The following DNMT3A variants were observed in gnomAD, a reference collection of about 807,000 sequenced individuals.
The protein encoded by DNMT3A is DNA methyltransferase 3 alpha, also known as DNA (cytosine-5)-methyltransferase 3A.
Under a neutral mutation model 117.6 loss-of-function variants are expected in DNMT3A, and 267 were observed. The ratio of observed to expected loss-of-function variants is 2.27; its 90% CI spans 2.05 to 2.51. DNMT3A has a LOEUF of 2.51. DNMT3A is among the 30% of genes most tolerant of loss of function. The pLI is 0.00. For missense variants in DNMT3A, 1,029 were observed against 1,260.2 expected (o/e 0.82, Z 2.78); for synonymous variants, 432 against 474.8 (o/e 0.91, Z 1.17).
At chr2:25,332,314 C>T (rs1449431126) in intron 1 of DNMT3A, among the ~76,000 whole-genome samples, 3 of 152,240 alleles carry the variant, frequency 2.0e-5, no homozygotes, top group Non-Finnish European at 4.4e-5. Flanking sequence ...CTGCTCCCTC[C>T]GCTTCGAGAC....
At chr2:25,319,589 A>C (rs1021657484) in intron 1 of DNMT3A, among the ~76,000 whole-genome samples, 90 of 152,326 alleles carry the variant, frequency 5.9e-4, no homozygotes, top group African/African-American at 2.0e-3. Flanking sequence ...AAGAGGCCGC[A>C]TGCCAGTCAC....
chr2:25,239,586 C>G, intron 19 of DNMT3A: 1 of 526,774 alleles, frequency 1.9e-6, no homozygotes, highest in Non-Finnish European at 3.8e-6. Flanking sequence ...TGGCTGGTGG[C>G]TACCATATTG....
chr2:25,275,404 G>A, intron 5 of DNMT3A, 96 bp downstream of exon 5: 1 of 1,456,474 alleles, frequency 6.9e-7, no homozygotes, highest in Admixed American at 2.3e-5. Flanking sequence ...TAAAGAAGGA[G>A]GAGGGGCCCA....
At position 25,337,629 on chromosome 2, in the gene DNMT3A, G is replaced by A. The variant is rs1213583317; in HGVS notation, c.-178+4197C>T. Among the ~76,000 whole-genome samples, 4 of 152,166 alleles carry A rather than the reference G, an allele frequency of 2.6e-5. No homozygotes were observed. The highest frequency in any genetic ancestry group is 5.9e-5 in the Non-Finnish European group (4 of 68,046). On this transcript the variant is annotated intron_variant, in intron 1 of 22. Transcript: ENST00000321117. The surrounding 1 kb of genome is among the most constrained non-coding windows in gnomAD (Gnocchi z 5.0). ...CAAGTCCTACCCATCCACAGGTGGC[G>A]GCACACCACGTACACACACATCATG...
chr2:25,259,661 G>A (rs1281776054), intron 6 of DNMT3A, among the ~76,000 whole-genome samples: 1 of 152,110 alleles, frequency 6.6e-6, no homozygotes, highest in Non-Finnish European at 1.5e-5. Flanking sequence ...TTATACTAAG[G>A]GGGGTGTGGC....
At chr2:25,273,468 T>C (rs904297801) in intron 6 of DNMT3A, among the ~76,000 whole-genome samples, 2 of 152,142 alleles carry the variant, frequency 1.3e-5, no homozygotes, top group Non-Finnish European at 2.9e-5. Context: ...CGCCTTCCCC[T>C]GGAGGCCTGG....
At chr2:25,331,470 G>C (rs2035010439) in intron 1 of DNMT3A, among the ~76,000 whole-genome samples, 1 of 152,188 alleles carries the variant, frequency 6.6e-6, no homozygotes, top group Non-Finnish European at 1.5e-5. Context: ...CCTCTGAATG[G>C]AGAGTGACGG....
At chr2:25,266,440 A>G (rs2030354740) in intron 6 of DNMT3A, among the ~76,000 whole-genome samples, 1 of 142,254 alleles carries the variant, frequency 7.0e-6, no homozygotes, top group African/African-American at 2.6e-5. Flanking sequence ...GAACTAGACT[A>G]AAGCCCAGGA....
chr2:25,241,810 T>A lies in DNMT3A; in HGVS notation c.1937-103A>T, dbSNP rs944671562. On this transcript the variant is annotated intron_variant, in intron 16 of 22. Coordinates refer to ENST00000321117, the MANE Select transcript of DNMT3A (RefSeq NM_022552.5). ...CCAACAGGACCCATGGGGTCAGCTG[T>A]AGGCCCAAGTCCTATCTTTTCCCTG... 2.1e-6 allele frequency: 3 copies of A among 1,454,586 alleles called. No homozygotes were observed. The African/African-American group carries it at 4.3e-5, about 21-fold the overall frequency. The allele number at this position is 1,454,586 out of a possible 1,614,324, so 90.1% of individuals were successfully genotyped here.
Position 25,304,512 on chromosome 2 carries a change from A to G in DNMT3A, c.73-4269T>C, listed in dbSNP as rs1458394500. On this transcript the variant is annotated intron_variant, in intron 2 of 22. Coordinates refer to ENST00000321117, the MANE Select transcript of DNMT3A (RefSeq NM_022552.5). This position sits in a 1 kb window ranked among gnomAD's most constrained non-coding sequence, Gnocchi z 4.3. ...CCATATGCAGCGATCCCTCACTATC[A>G]CACAGAGCCCAACATCTGGCGGGCG... Among the ~76,000 whole-genome samples the G allele has an allele frequency of 1.3e-5, 2 of 152,150 alleles. No individual in the cohort carries two copies. The highest frequency in any genetic ancestry group is 2.9e-5 in the Non-Finnish European group (2 of 68,028).
In DNMT3A at chr2:25,304,760, G is replaced by A. The variant is rs1195169587; in HGVS notation, c.73-4517C>T. 2.0e-5 allele frequency among the ~76,000 whole-genome samples: 3 copies of A among 152,204 alleles called. No homozygotes were observed. Among genetic ancestry groups the A allele is most frequent in the African/African-American group, 2.4e-5 (1 of 41,448 alleles). ...GTGGTCCCAACAGACAGCACCAAGC[G>A]CGAAAGCAAACTGCTTCCGGCCTCA... On this transcript the variant is annotated intron_variant, in intron 2 of 22. Coordinates refer to ENST00000321117, the MANE Select transcript of DNMT3A (RefSeq NM_022552.5). The surrounding 1 kb of genome is among the most constrained non-coding windows in gnomAD (Gnocchi z 4.3).
At chr2:25,338,094 T>C (rs2035279281) in intron 1 of DNMT3A, among the ~76,000 whole-genome samples, 1 of 152,106 alleles carries the variant, frequency 6.6e-6, no homozygotes, top group African/African-American at 2.4e-5. Flanking sequence ...GAGCACCAAG[T>C]CCAGGACCCC....
At position 25,248,029 on chromosome 2, in the gene DNMT3A, C is replaced by T. The variant is rs2149309927; in HGVS notation, c.855+8G>A. 1 of 1,611,760 alleles carries T rather than the reference C, an allele frequency of 6.2e-7. No homozygotes were observed. ...GAGCTGGCCACGGCTGGTGAAGAAG[C>T]CGCTCACCTCGTACTCTGGCTCGTC... On this transcript the variant is annotated splice_region_variant and intron_variant, in intron 7 of 22. Coordinates refer to ENST00000321117, the MANE Select transcript of DNMT3A (RefSeq NM_022552.5).
At chr2:25,310,577 G>A (rs546963344) in intron 2 of DNMT3A, among the ~76,000 whole-genome samples, 21 of 152,230 alleles carry the variant, frequency 1.4e-4, no homozygotes, top group Middle Eastern at 3.4e-3. Context: ...TCTGCACTCC[G>A]CCTCCCTGAT....
chr2:25,247,868 C>T lies in DNMT3A; in HGVS notation c.856-119G>A. On this transcript the variant is annotated intron_variant, in intron 7 of 22. Coordinates refer to ENST00000321117, the MANE Select transcript of DNMT3A (RefSeq NM_022552.5). The surrounding 1 kb of genome is among the most constrained non-coding windows in gnomAD (Gnocchi z 5.6). Reference sequence around the variant, plus strand: ...GGGCAGGACAGCCAGGAGGGAGCTCCATCTGAATGAGGCAAGACAGAGCAA... The same window carrying T: ...GGGCAGGACAGCCAGGAGGGAGCTCTATCTGAATGAGGCAAGACAGAGCAA... 6.5e-7 allele frequency: 1 copy of T among 1,530,124 alleles called. No homozygotes were observed. Among genetic ancestry groups the T allele is most frequent in the Non-Finnish European group, 8.8e-7 (1 of 1,139,130 alleles). The allele number at this position is 1,530,124 out of a possible 1,614,324, so 94.8% of individuals were successfully genotyped here.
rs146185484 is a variant in DNMT3A, at chr2:25,337,008, C to T, written c.-178+4818G>A. On this transcript the variant is annotated intron_variant, in intron 1 of 22. Transcript: ENST00000321117. The surrounding 1 kb of genome is among the most constrained non-coding windows in gnomAD (Gnocchi z 5.0). Reference sequence around the variant, plus strand: ...TTAGCTGGGCGCATCCTAAACACACCGTGTCCCCTCAAAGCCAGCACAGGG... The same window carrying T: ...TTAGCTGGGCGCATCCTAAACACACTGTGTCCCCTCAAAGCCAGCACAGGG... Among the ~76,000 whole-genome samples the T allele has an allele frequency of 1.3e-5, 2 of 152,154 alleles. No homozygotes were observed. Among genetic ancestry groups the T allele is most frequent in the East Asian group, 1.9e-4 (1 of 5,194 alleles).
At chr2:25,333,422 C>T (rs2035088634) in intron 1 of DNMT3A, among the ~76,000 whole-genome samples, 1 of 152,046 alleles carries the variant, frequency 6.6e-6, no homozygotes, top group Admixed American at 6.5e-5. Context: ...CTCCACCTCC[C>T]GGGTTCAAGT....
chr2:25,240,957 C>G (rs1189706795), intron 17 of DNMT3A, among the ~76,000 whole-genome samples: 1 of 152,174 alleles, frequency 6.6e-6, no homozygotes, highest in Non-Finnish European at 1.5e-5. Flanking sequence ...TAGTATCACC[C>G]AGGCAGGCAA....
At chr2:25,240,834 G>T in intron 17 of DNMT3A, 104 bp from the exon 18 acceptor site, 1 of 1,145,892 alleles carries the variant, frequency 8.7e-7, no homozygotes, top group Non-Finnish European at 1.3e-6. Flanking sequence ...CCTTTGACAC[G>T]AAAGAGAGGA....
Sources: gnomAD v4.1 joint callset for allele counts (sites outside exome capture counted in the v4.1 genomes callset) on GRCh38, gnomAD v4.1.1 for gene constraint, Gnocchi (gnomAD v3.1) non-coding constraint, MANE v1.5 for transcripts, NCBI Gene and HGNC (gene_info 2026-07-23, HGNC 2026-07-21) for gene names.